ATRX: variants seen among roughly 807,000 people sequenced by gnomAD.
ATRX encodes ATRX chromatin remodeler.
ATRX carries 12 observed loss-of-function variants against 172.6 expected under a neutral mutation model. The observed-to-expected ratio is 0.07, with a 90% CI of 0.04 to 0.11. The LOEUF is 0.11. Ranked by LOEUF, ATRX falls within the 10% of genes least tolerant of loss-of-function variation. ATRX has a pLI of 1.00. For missense variants in ATRX, 1,368 were observed against 1,767.4 expected (o/e 0.77, Z 4.05); for synonymous variants, 674 against 594.7 (o/e 1.13, Z -1.94).
intron 15 of ATRX, among the ~76,000 whole-genome samples, chrX:77,642,385 G>A (rs1341386986): frequency 8.9e-6 from 1 of 111,820 alleles, no homozygotes; most frequent in Non-Finnish European, 1.9e-5. Context: ...ACATGCAGAG[G>A]AGCAAAGATG....
intron 15 of ATRX, among the ~76,000 whole-genome samples, chrX:77,646,589 CAAAGAT>C (rs782113499): frequency 1.8e-5 from 2 of 111,233 alleles, no homozygotes; most frequent in South Asian, 3.7e-4. Context: ...AACAAGTAGA[CAAAGAT>C]AATTAAGGAA....
intron 26 of ATRX, among the ~76,000 whole-genome samples, chrX:77,592,137 C>T (rs1454635290): frequency 3.6e-5 from 4 of 111,199 alleles, no homozygotes; most frequent in Admixed American, 9.6e-5. Context: ...TCAAGCTAGG[C>T]GCGGTGGCTC....
At chrX:77,578,136 A>G (rs1282366550) in intron 27 of ATRX, among the ~76,000 whole-genome samples, 2 of 111,778 alleles carry the variant, frequency 1.8e-5, no homozygotes, top group Non-Finnish European at 3.8e-5. Context: ...GGAATCATCC[A>G]TCACAGTGAT....
At chrX:77,593,667 T>C (rs1557082271) in intron 26 of ATRX, 29 bp downstream of exon 26, 2 of 1,175,827 alleles carry the variant, frequency 1.7e-6, no homozygotes, top group Admixed American at 4.4e-5. Context: ...AAAGGTTAAT[T>C]TATATAATAA....
In ATRX at chrX:77,605,405, G is replaced by T. The variant is rs187394768; in HGVS notation, c.5567-4841C>A. Among the ~76,000 whole-genome samples, 760 of 110,957 alleles carry T rather than the reference G, an allele frequency of 6.8e-3. 7 individuals carry two copies. The highest frequency in any genetic ancestry group is 9.4e-3 in the Non-Finnish European group (500 of 52,937). On this transcript the variant is annotated intron_variant, in intron 22 of 34. Transcript: ENST00000373344. ...ATCGCACCACTGCACTCCAGCCTGG[G>T]TGATGGAGCAATACTCTGTCTCAAA...
intron 2 of ATRX, 123 bp downstream of exon 2, chrX:77,717,008 T>C: frequency 1.7e-6 from 1 of 591,105 alleles, no homozygotes; most frequent in Non-Finnish European, 2.7e-6. Flanking sequence ...AATCTGTCAT[T>C]TTCCACAAAC....
intron 10 of ATRX, among the ~76,000 whole-genome samples, chrX:77,666,901 A>G (rs782787597): frequency 8.9e-6 from 1 of 112,225 alleles, no homozygotes; most frequent in South Asian, 3.6e-4. Flanking sequence ...GTTGTCTGCA[A>G]TAGCAAAGGG....
chrX:77,705,726 A>G (rs2072781630), intron 2 of ATRX, among the ~76,000 whole-genome samples: 1 of 112,229 alleles, frequency 8.9e-6, no homozygotes, highest in African/African-American at 3.2e-5. Flanking sequence ...AAAAACAAAG[A>G]GTTAAAATTC....
chrX:77,714,308 T>C (rs1557163408), intron 2 of ATRX, among the ~76,000 whole-genome samples: 1 of 111,525 alleles, frequency 9.0e-6, no homozygotes, highest in Non-Finnish European at 1.9e-5. Context: ...GACTTTGACC[T>C]TGTGATAGCC....
chrX:77,556,230 GGA>G (rs1161180202), intron 30 of ATRX, among the ~76,000 whole-genome samples: 1 of 14,839 alleles, frequency 6.7e-5, no homozygotes, highest in Non-Finnish European at 1.6e-4. Flanking sequence ...AGGGAGAGAG[GGA>G]GAGAGGGAGA....
chrX:77,631,848 T>C (rs2068120758), intron 19 of ATRX, among the ~76,000 whole-genome samples: 1 of 112,079 alleles, frequency 8.9e-6, no homozygotes, highest in South Asian at 3.7e-4. Flanking sequence ...TAATAATGTG[T>C]CAATTTCTTA....
chrX:77,678,653 A>AT (rs1336680065), intron 9 of ATRX, among the ~76,000 whole-genome samples: 2 of 110,565 alleles, frequency 1.8e-5, no homozygotes, highest in African/African-American at 6.6e-5. Flanking sequence ...CACCTGGCTA[A>AT]TTTTTTTGTA....
At chrX:77,764,173 T>C (rs2075826302) in intron 1 of ATRX, among the ~76,000 whole-genome samples, 1 of 111,984 alleles carries the variant, frequency 8.9e-6, no homozygotes, top group South Asian at 3.7e-4. Flanking sequence ...TACTATAGCC[T>C]AGAACAGATT....
At chrX:77,621,230 T>C (rs904621138) in intron 19 of ATRX, among the ~76,000 whole-genome samples, 8 of 112,435 alleles carry the variant, frequency 7.1e-5, no homozygotes, top group Admixed American at 4.7e-4. Context: ...TGAACAAATA[T>C]GTTCCACAGC....
intron 1 of ATRX, among the ~76,000 whole-genome samples, chrX:77,725,770 T>G (rs1258204561): frequency 9.0e-6 from 1 of 111,302 alleles, no homozygotes; most frequent in Non-Finnish European, 1.9e-5. Context: ...TTAAACAAAT[T>G]TACAAGAAAA....
intron 10 of ATRX, among the ~76,000 whole-genome samples, chrX:77,671,168 ATATATATAT>A (rs1224110403): frequency 3.5e-4 from 3 of 8,521 alleles, no homozygotes; most frequent in Non-Finnish European, 3.0e-4. Context: ...AAAAAAAAAA[ATATATATAT>A]ATATATATAT....
intron 26 of ATRX, among the ~76,000 whole-genome samples, chrX:77,591,927 C>A (rs782434099): frequency 1.8e-5 from 2 of 111,719 alleles, no homozygotes; most frequent in Admixed American, 1.9e-4. Context: ...CTGGGAACCA[C>A]TGAACTCAGA....
At chrX:77,556,252 A>G (rs1557058935) in intron 30 of ATRX, among the ~76,000 whole-genome samples, 3 of 18,290 alleles carry the variant, frequency 1.6e-4, no homozygotes, top group African/African-American at 2.5e-4. Flanking sequence ...AGAGGGAGAG[A>G]GGGAGAGAGG....
chrX:77,681,298 T>C (rs1322536398), intron 9 of ATRX, among the ~76,000 whole-genome samples: 1 of 111,651 alleles, frequency 9.0e-6, no homozygotes, highest in African/African-American at 3.2e-5. Context: ...CTCAACAAAT[T>C]TGAGATCCCT....
Sources: allele counts gnomAD v4.1 joint callset (sites outside exome capture counted in the v4.1 genomes callset), GRCh38; gene constraint gnomAD v4.1.1; transcripts MANE v1.5; gene names NCBI Gene and HGNC (gene_info 2026-07-23, HGNC 2026-07-21).